Variants in CAB39 observed in about 807,000 individuals in gnomAD.
CAB39 encodes calcium binding protein 39.
Under a neutral mutation model 40.0 loss-of-function variants are expected in CAB39, and 8 were observed. The observed-to-expected ratio is 0.20, with a 90% CI of 0.12 to 0.36. The LOEUF (loss-of-function observed/expected upper bound fraction) is 0.36. Ranked by LOEUF, CAB39 falls within the 10% of genes least tolerant of loss-of-function variation. The pLI, the probability that CAB39 is intolerant of heterozygous loss-of-function variation, is 1.00. For synonymous variants in CAB39, 156 were observed against 141.6 expected, an observed-to-expected ratio of 1.10 and a Z score of -0.72; for missense variants, 270 against 401.1, an observed-to-expected ratio of 0.67 and a Z score of 2.79.
At chr2:230,744,565 T>G (rs137868010) in intron 1 of CAB39, among the ~76,000 whole-genome samples, 6,115 of 152,354 alleles carry the variant, frequency 0.04, 421 homozygotes, top group African/African-American at 0.14. Flanking sequence ...GTGCTGGGAT[T>G]ACAGGCGTGA....
At chr2:230,763,620 A>T (rs1695333229) in intron 2 of CAB39, among the ~76,000 whole-genome samples, 1 of 152,062 alleles carries the variant, frequency 6.6e-6, no homozygotes. Flanking sequence ...GAGAAAAAGA[A>T]AACCTGGTCT....
chr2:230,780,366 T>C (rs574280977), intron 2 of CAB39, among the ~76,000 whole-genome samples: 1 of 152,338 alleles, frequency 6.6e-6, no homozygotes, highest in East Asian at 1.9e-4. Flanking sequence ...GGTATAATAC[T>C]ATTAACTAAT....
intron 1 of CAB39, among the ~76,000 whole-genome samples, chr2:230,741,819 A>T (rs1694882678): frequency 6.6e-6 from 1 of 152,228 alleles, no homozygotes; most frequent in South Asian, 2.1e-4. Flanking sequence ...CCATATAAAG[A>T]ATATATTATG....
intron 2 of CAB39, among the ~76,000 whole-genome samples, chr2:230,784,072 T>C (rs1695744923): frequency 6.6e-6 from 1 of 152,186 alleles, no homozygotes; most frequent in Admixed American, 6.5e-5. Context: ...TATATTAATC[T>C]AGGCAAGAGT....
rs556109964 is a variant in CAB39, at chr2:230,743,260, G to A, written c.-43-16699G>A. ...ACAGACAACTAGGCTGGAACTCTAC[G>A]ACAAAGTAAGGCCGGCTATGTCTGC... On this transcript the variant is annotated intron_variant, in intron 1 of 8. Coordinates refer to ENST00000258418, the MANE Select transcript of CAB39 (RefSeq NM_016289.4). Among the ~76,000 whole-genome samples the A allele has an allele frequency of 6.6e-5, 10 of 152,188 alleles. No individual in the cohort carries two copies. In the East Asian group the frequency reaches 9.6e-4, roughly 15 times the overall value.
chr2:230,804,549 GA>G lies in CAB39; in HGVS notation c.567+5659del, dbSNP rs1428264670. On this transcript the variant is annotated intron_variant, in intron 5 of 8. Coordinates refer to ENST00000258418, the MANE Select transcript of CAB39 (RefSeq NM_016289.4). ...ACAAAGAACTTAAACAAATTTACAAGAAAAAAATCAAACAACCCCATCAAAA... is the reference window on the plus strand; with the variant it reads ...ACAAAGAACTTAAACAAATTTACAAGAAAAAATCAAACAACCCCATCAAAA... Among the ~76,000 whole-genome samples, 4 of 152,038 alleles carry G rather than the reference GA, an allele frequency of 2.6e-5. No homozygotes were observed. In the South Asian group the frequency reaches 8.3e-4, roughly 32 times the overall value.
intron 2 of CAB39, among the ~76,000 whole-genome samples, chr2:230,788,244 C>CA (rs1272935902): frequency 7.1e-6 from 1 of 141,058 alleles, no homozygotes; most frequent in African/African-American, 2.6e-5. Context: ...TTTTGTTTTT[C>CA]GGTTTTTTTT....
intron 1 of CAB39, among the ~76,000 whole-genome samples, chr2:230,740,478 T>C (rs1054890620): frequency 1.3e-5 from 2 of 152,196 alleles, no homozygotes; most frequent in Non-Finnish European, 2.9e-5. Context: ...CGTCCCAAAA[T>C]GCAGTAATAC....
At chr2:230,721,627 T>C (rs1160064063) in intron 1 of CAB39, among the ~76,000 whole-genome samples, 1 of 152,180 alleles carries the variant, frequency 6.6e-6, no homozygotes, top group African/African-American at 2.4e-5. Context: ...CCAAATTGTG[T>C]TTTGTAGACT....
At chr2:230,716,936 G>T (rs926825570) in intron 1 of CAB39, among the ~76,000 whole-genome samples, 1 of 152,194 alleles carries the variant, frequency 6.6e-6, no homozygotes, top group Non-Finnish European at 1.5e-5. Context: ...CCAGGAATTT[G>T]CAGCCTCAGT....
At chr2:230,725,292 C>A in intron 1 of CAB39, 3 of 1,573,800 alleles carry the variant, frequency 1.9e-6, no homozygotes, top group Non-Finnish European at 2.6e-6. Flanking sequence ...TTGTCAAAGC[C>A]CCTTTCCTCC....
chr2:230,747,167 G>T (rs1052212091), intron 1 of CAB39, among the ~76,000 whole-genome samples: 2 of 152,194 alleles, frequency 1.3e-5, no homozygotes, highest in African/African-American at 4.8e-5. Context: ...AGAAGTTGCA[G>T]TGAGCTGAGA....
intron 5 of CAB39, among the ~76,000 whole-genome samples, chr2:230,799,705 T>C (rs1355619199): frequency 6.6e-6 from 1 of 152,184 alleles, no homozygotes; most frequent in East Asian, 1.9e-4. Flanking sequence ...TATAAACCAA[T>C]ACTTGCCAGG....
At chr2:230,730,335 A>G (rs1694664503) in intron 1 of CAB39, among the ~76,000 whole-genome samples, 2 of 152,134 alleles carry the variant, frequency 1.3e-5, no homozygotes, top group Admixed American at 6.6e-5. Flanking sequence ...ATATTTTTAA[A>G]TGATTGGTTA....
intron 7 of CAB39, among the ~76,000 whole-genome samples, chr2:230,814,464 T>C (rs1575966002): frequency 6.6e-6 from 1 of 151,904 alleles, no homozygotes; most frequent in Non-Finnish European, 1.5e-5. Flanking sequence ...CACAGGCAGG[T>C]GTGTGAGGGT....
chr2:230,739,428 T>C (rs1024932560), intron 1 of CAB39, among the ~76,000 whole-genome samples: 1 of 152,236 alleles, frequency 6.6e-6, no homozygotes, highest in African/African-American at 2.4e-5. Flanking sequence ...CTTTAACATA[T>C]TCAGAGAAAT....
chr2:230,803,923 A>G (rs1321085072), intron 5 of CAB39, among the ~76,000 whole-genome samples: 2 of 152,206 alleles, frequency 1.3e-5, no homozygotes, highest in Non-Finnish European at 2.9e-5. Flanking sequence ...GGAACCAAAA[A>G]AGAGCCCGCA....
chr2:230,797,712 G>T (rs1483691764), intron 4 of CAB39, among the ~76,000 whole-genome samples: 1 of 152,166 alleles, frequency 6.6e-6, no homozygotes, highest in Non-Finnish European at 1.5e-5. Flanking sequence ...TTAGCAGGCT[G>T]TAGGCAACAG....
chr2:230,790,807 G>A (rs1024602725), intron 2 of CAB39, 65 bp from the exon 3 acceptor site: 89 of 1,359,654 alleles, frequency 6.5e-5, no homozygotes, highest in African/African-American at 5.9e-4. Flanking sequence ...AAATTTTGAC[G>A]TGTTATATGT....
Sources: gnomAD v4.1 joint callset for allele counts (sites outside exome capture counted in the v4.1 genomes callset) on GRCh38, gnomAD v4.1.1 for gene constraint, MANE v1.5 for transcripts, NCBI Gene and HGNC (gene_info 2026-07-23, HGNC 2026-07-21) for gene names.